CSDE1: variants seen among roughly 807,000 people sequenced by gnomAD.
The protein encoded by CSDE1 is cold shock domain containing E1.
A neutral mutation model predicts 89.3 loss-of-function variants in CSDE1; 17 were observed. The ratio of observed to expected loss-of-function variants is 0.19; its 90% CI spans 0.13 to 0.29. The LOEUF is 0.29. Ranked by LOEUF, CSDE1 falls within the 10% of genes least tolerant of loss-of-function variation. CSDE1 has a pLI of 1.00. For synonymous variants in CSDE1, 322 were observed against 332.8 expected, an observed-to-expected ratio of 0.97 and a Z score of 0.35; for missense variants, 672 against 984.2, an observed-to-expected ratio of 0.68 and a Z score of 4.24.
chr1:114,718,852 A>G, intron 18 of CSDE1, 107 bp from the exon 19 acceptor site: 1 of 1,230,482 alleles, frequency 8.1e-7, no homozygotes, highest in East Asian at 2.4e-5. Flanking sequence ...CTCACTTTTT[A>G]TGATGGGACT....
intron 15 of CSDE1, 26 bp downstream of exon 15, chr1:114,725,195 C>A: frequency 6.4e-7 from 1 of 1,573,488 alleles, no homozygotes; most frequent in South Asian, 1.1e-5. Context: ...AAAGCACAGG[C>A]TGAATAAGAA....
chr1:114,724,621 AACTTCCCATT>A (rs1659699647), intron 15 of CSDE1, among the ~76,000 whole-genome samples: 1 of 151,832 alleles, frequency 6.6e-6, no homozygotes, highest in Admixed American at 6.6e-5. Context: ...TAATTTTTTT[AACTTCCCATT>A]ATTTTTCACA....
At chr1:114,730,747 T>C (rs1050939300) in intron 10 of CSDE1, 99 bp from the exon 11 acceptor site, 1 of 1,381,832 alleles carries the variant, frequency 7.2e-7, no homozygotes, top group Non-Finnish European at 1.0e-6. Flanking sequence ...AGGAATTTTC[T>C]CTGATGTGAC....
Position 114,717,897 on chromosome 1 carries a change from T to A in CSDE1, c.*272A>T, listed in dbSNP as rs529640711. ...GTGGATTCTGCAATTACCAGTTGCG[T>A]TAAATGCACCAAATAAAGCTCCTAA... is the stretch of plus-strand genomic sequence containing the variant. On this transcript the variant is annotated 3_prime_UTR_variant, in exon 20 of 20. Coordinates refer to ENST00000358528, the MANE Select transcript of CSDE1 (RefSeq NM_001007553.3). 2 of 429,534 alleles carry A rather than the reference T, an allele frequency of 4.7e-6. No homozygotes were observed. Among genetic ancestry groups the A allele is most frequent in the East Asian group, 7.5e-5 (2 of 26,568 alleles). The allele number at this position is 429,534 out of a possible 1,614,324, so 26.6% of individuals were successfully genotyped here.
intron 6 of CSDE1, among the ~76,000 whole-genome samples, chr1:114,735,307 TCA>T (rs573993696): frequency 2.0e-3 from 310 of 152,302 alleles, no homozygotes; most frequent in African/African-American, 6.9e-3. Context: ...CCTTAATTTT[TCA>T]CAGACAAATA....
chr1:114,741,713 A>G, intron 2 of CSDE1: 1 of 1,416,606 alleles, frequency 7.1e-7, no homozygotes, highest in Admixed American at 2.5e-5. Flanking sequence ...TATGATCAAT[A>G]ACAATTTAAT....
chr1:114,748,719 T>C (rs1055124525), intron 2 of CSDE1, among the ~76,000 whole-genome samples: 7 of 152,180 alleles, frequency 4.6e-5, no homozygotes, highest in Non-Finnish European at 1.0e-4. Context: ...AGCACCTACC[T>C]TTTTCTCTAC....
chr1:114,734,156 C>G, intron 7 of CSDE1, 39 bp from the exon 8 acceptor site: 10 of 1,586,624 alleles, frequency 6.3e-6, no homozygotes, highest in Non-Finnish European at 7.7e-6. Flanking sequence ...TATTACCACT[C>G]TGTACAAATT....
chr1:114,730,631 C>T lies in CSDE1; in HGVS notation c.1068G>A (p.Met356Ile), dbSNP rs761937387. 3.1e-6 allele frequency: 5 copies of T among 1,613,852 alleles called. No individual in the cohort carries two copies. The East Asian group carries it at 1.1e-4, about 36-fold the overall frequency. ...ACTTGATGAAACCAAAACCATCTCT[C>T]ATGGCAGCAATCACACCCTGAAACC... ...EAREMGVIAA[M>I]RDGFGFIKCV... Residue 356 changes from methionine (M) to isoleucine (I), a missense_variant, in exon 11 of 20, where the codon ATG (methionine) becomes ATA (isoleucine). By Grantham distance (10) the Met-to-Ile change is conservative. This residue lies in a region of CSDE1 where 169 missense variants were observed against 262.9 expected (regional missense o/e 0.64). Coordinates refer to ENST00000358528, the MANE Select transcript of CSDE1 (RefSeq NM_001007553.3).
intron 2 of CSDE1, among the ~76,000 whole-genome samples, chr1:114,742,812 C>G (rs940294984): frequency 2.6e-5 from 4 of 152,154 alleles, no homozygotes; most frequent in African/African-American, 9.7e-5. Flanking sequence ...ATACAACACA[C>G]AAATGTAGAT....
In CSDE1 at chr1:114,719,566, CAACAA is replaced by C; in HGVS notation, c.2216+8_2216+12del. ...AGGGTAGTTACTAATCAAACCACAA[CAACAA>C]AACTCACCAGACTCGCCAAACATTA... On this transcript the variant is annotated splice_region_variant and intron_variant, in intron 18 of 19. Transcript: ENST00000358528. The C allele has an allele frequency of 6.2e-7, 1 of 1,610,348 alleles. No homozygotes were observed. The highest frequency in any genetic ancestry group is 1.1e-5 in the South Asian group (1 of 90,302).
intron 6 of CSDE1, among the ~76,000 whole-genome samples, chr1:114,735,518 C>T (rs1376793926): frequency 2.0e-5 from 3 of 152,162 alleles, no homozygotes; most frequent in Non-Finnish European, 2.9e-5. Flanking sequence ...GATGAAGAAA[C>T]TTACCAGGTA....
Position 114,717,866 on chromosome 1 carries a change from G to A in CSDE1, c.*303C>T. 2.7e-6 allele frequency: 1 copy of A among 367,428 alleles called. No homozygotes were observed. Among genetic ancestry groups the A allele is most frequent in the South Asian group, 5.5e-5 (1 of 18,300 alleles). 22.8% of individuals were successfully genotyped at this position (367,428 alleles called of 1,614,324 possible). On this transcript the variant is annotated 3_prime_UTR_variant, in exon 20 of 20. Transcript: ENST00000358528. ...ACAGTCTATATTTTTCACTTACACA[G>A]GCAAAGTGGATTCTGCAATTACCAG... is the stretch of plus-strand genomic sequence containing the variant.
At position 114,726,993 on chromosome 1, in the gene CSDE1, A is replaced by G; in HGVS notation, c.1454T>C (p.Ile485Thr). ...KDVEGSTSPQ[I>T]GDKVEFSISD... ...GCAGAATTATCTTGCCTTATCTCCTATTTGAGGAGAAGTAGATCCTTCCAC... is the reference window on the plus strand; with the variant it reads ...GCAGAATTATCTTGCCTTATCTCCTGTTTGAGGAGAAGTAGATCCTTCCAC... The change falls in exon 13 of 20, where the codon ATA (isoleucine) becomes ACA (threonine). Residue 485 changes from isoleucine (I) to threonine (T), a missense_variant. Physicochemically the swap from Ile to Thr is moderately conservative, Grantham distance 89. Around this residue, in one of 8 missense-constraint regions of CSDE1, gnomAD observed 108 missense variants for 105.0 expected, o/e 1.03. Coordinates refer to ENST00000358528, the MANE Select transcript of CSDE1 (RefSeq NM_001007553.3). The G allele has an allele frequency of 6.2e-7, 1 of 1,604,672 alleles. No homozygotes were observed. Among genetic ancestry groups the G allele is most frequent in the East Asian group, 2.2e-5 (1 of 44,772 alleles).
At position 114,756,392 on chromosome 1, in the gene CSDE1, A is replaced by T. The variant is rs367896854; in HGVS notation, c.-388+1533T>A. Reference sequence around the variant, plus strand: ...CTCAGGTATATCCCTACTGAAGTATATAAAGCCCCTCCTTACCCACACCAA... The same window carrying T: ...CTCAGGTATATCCCTACTGAAGTATTTAAAGCCCCTCCTTACCCACACCAA... On this transcript the variant is annotated intron_variant, in intron 1 of 19. Transcript: ENST00000358528. Among the ~76,000 whole-genome samples, 12 of 152,340 alleles carry T rather than the reference A, an allele frequency of 7.9e-5. No individual in the cohort carries two copies. In the East Asian group the frequency reaches 1.9e-3, roughly 24 times the overall value.
chr1:114,748,695 T>A (rs1476359634), intron 2 of CSDE1, among the ~76,000 whole-genome samples: 4 of 152,192 alleles, frequency 2.6e-5, no homozygotes, highest in Non-Finnish European at 5.9e-5. Flanking sequence ...CACTTCTAAA[T>A]CATCAGAACA....
chr1:114,725,167 T>C, intron 15 of CSDE1, 54 bp downstream of exon 15: 1 of 1,369,622 alleles, frequency 7.3e-7, no homozygotes, highest in Non-Finnish European at 1.0e-6. Context: ...TACTACTCCA[T>C]CCTTTATCTC....
chr1:114,740,092 G>GC (rs1660639693), intron 2 of CSDE1, among the ~76,000 whole-genome samples: 1 of 152,136 alleles, frequency 6.6e-6, no homozygotes, highest in African/African-American at 2.4e-5. Flanking sequence ...TTGGGGAATT[G>GC]CCCCAAATTA....
At chr1:114,743,393 T>C (rs916605663) in intron 2 of CSDE1, among the ~76,000 whole-genome samples, 6 of 152,158 alleles carry the variant, frequency 3.9e-5, no homozygotes, top group Non-Finnish European at 8.8e-5. Flanking sequence ...GGTTTCACCA[T>C]GTTGACCAGG....
Sources: allele counts gnomAD v4.1 joint callset (sites outside exome capture counted in the v4.1 genomes callset), GRCh38; gene constraint gnomAD v4.1.1; regional missense constraint gnomAD v4.1.1; transcripts MANE v1.5; gene names NCBI Gene and HGNC (gene_info 2026-07-23, HGNC 2026-07-21).